NRXN3: variants seen among roughly 807,000 people sequenced by gnomAD.
NRXN3 encodes neurexin 3.
A neutral mutation model predicts 137.6 loss-of-function variants in NRXN3; 32 were observed. The ratio of observed to expected loss-of-function variants is 0.23; its 90% CI spans 0.18 to 0.31. The LOEUF (loss-of-function observed/expected upper bound fraction) is 0.31, where lower values mean the gene tolerates loss of function less well. Among genes scored for constraint, NRXN3 ranks in the 10% least tolerant of loss-of-function variants. The pLI is 1.00. For missense variants in NRXN3, 1,574 were observed against 2,062.5 expected (o/e 0.76, Z 4.59); for synonymous variants, 798 against 784.5 (o/e 1.02, Z -0.29).
chr14:79,436,069 A>C (rs962816274), intron 15 of NRXN3, among the ~76,000 whole-genome samples: 1 of 152,198 alleles, frequency 6.6e-6, no homozygotes, highest in Non-Finnish European at 1.5e-5. Flanking sequence ...CCATGTGTCT[A>C]ATATAACCTA....
intron 15 of NRXN3, among the ~76,000 whole-genome samples, chr14:79,120,215 T>TA (rs965162732): frequency 2.0e-5 from 3 of 151,526 alleles, no homozygotes; most frequent in Non-Finnish European, 2.9e-5. Context: ...TATTTTGCAA[T>TA]AAAAAAAAAT....
chr14:79,088,580 C>T (rs1275089642), intron 15 of NRXN3, among the ~76,000 whole-genome samples: 1 of 152,044 alleles, frequency 6.6e-6, no homozygotes, highest in African/African-American at 2.4e-5. Flanking sequence ...ATGACTTGGG[C>T]TTAAGAAGTC....
chr14:78,279,361 T>C (rs1449555306), intron 3 of NRXN3, among the ~76,000 whole-genome samples: 1 of 152,252 alleles, frequency 6.6e-6, no homozygotes, highest in Non-Finnish European at 1.5e-5. Flanking sequence ...CACACATACA[T>C]AGAATCATGT....
At chr14:78,248,745 G>C (rs921549856) in intron 2 of NRXN3, among the ~76,000 whole-genome samples, 1 of 152,138 alleles carries the variant, frequency 6.6e-6, no homozygotes, top group African/African-American at 2.4e-5. Flanking sequence ...GGGAAGTGGA[G>C]CATAATCAGA....
At chr14:79,750,831 C>T (rs1335909873) in intron 19 of NRXN3, among the ~76,000 whole-genome samples, 3 of 152,054 alleles carry the variant, frequency 2.0e-5, no homozygotes, top group Non-Finnish European at 2.9e-5. Context: ...ATAATTAAAA[C>T]CCCCCAAAAA....
intron 16 of NRXN3, among the ~76,000 whole-genome samples, chr14:79,658,572 C>T (rs1468070811): frequency 4.6e-5 from 7 of 152,092 alleles, no homozygotes; most frequent in African/African-American, 1.7e-4. Context: ...CTTGGCCCAA[C>T]CCATCACAAC....
rs1568111557 is a variant in NRXN3, at chr14:79,049,055, AAAAAAAAAAAAAAAAAAAATAAT to A, written c.3262+60917_3262+60939del. Among the ~76,000 whole-genome samples the A allele has an allele frequency of 2.5e-3, 120 of 48,564 alleles. 2 individuals are homozygous for A. Among genetic ancestry groups the A allele is most frequent in the Non-Finnish European group, 3.2e-3 (74 of 23,462 alleles). The allele number at this position is 48,564 out of a possible 152,430, so 31.9% of individuals were successfully genotyped here. On this transcript the variant is annotated intron_variant, in intron 15 of 20. Transcript: ENST00000335750. ...AAAAAAAAAAAAAAAAAAAAAAAAA[AAAAAAAAAAAAAAAAAAAATAAT>A]AATAATAATAATAATAATATGATGG...
At chr14:78,578,256 A>C (rs1284151113) in intron 4 of NRXN3, among the ~76,000 whole-genome samples, 1 of 152,204 alleles carries the variant, frequency 6.6e-6, no homozygotes, top group Non-Finnish European at 1.5e-5. Context: ...TAGTACATAC[A>C]AAGGTAAGCT....
Position 78,243,384 on chromosome 14 carries a change from C to T in NRXN3, c.291C>T (p.Ala97=), listed in dbSNP as rs138817150. ...TCAGCATGGACTGTGCCGAGACTGC[C>T]GTGCTGTCCAACAAGCAGGTGAATG... is the stretch of plus-strand genomic sequence containing the variant. ...LRFSMDCAET[A]VLSNKQVNDS... Residue 97 remains alanine, a synonymous_variant, in exon 2 of 21, where the codon GCC becomes GCT. Transcript: ENST00000335750. This position sits in a 1 kb window ranked among gnomAD's most constrained non-coding sequence, Gnocchi z 4.2. The T allele has an allele frequency of 9.9e-4, 1,552 of 1,565,370 alleles. 7 individuals carry two copies. Among genetic ancestry groups the T allele is most frequent in the Non-Finnish European group, 1.1e-3 (1,302 of 1,163,138 alleles).
chr14:78,979,554 A>G (rs2099483379), intron 14 of NRXN3, among the ~76,000 whole-genome samples: 1 of 152,254 alleles, frequency 6.6e-6, no homozygotes, highest in East Asian at 1.9e-4. Flanking sequence ...TTAAAATGTG[A>G]AAGTAGAAAG....
At chr14:79,411,434 A>T (rs529382845) in intron 15 of NRXN3, among the ~76,000 whole-genome samples, 1 of 152,168 alleles carries the variant, frequency 6.6e-6, no homozygotes, top group South Asian at 2.1e-4. Flanking sequence ...TTTTGCTTTT[A>T]TATCTCTTAC....
chr14:78,582,305 T>C (rs1378031608), intron 4 of NRXN3, among the ~76,000 whole-genome samples: 2 of 152,250 alleles, frequency 1.3e-5, no homozygotes, highest in East Asian at 3.8e-4. Context: ...TTTCCTCCAT[T>C]ACTGCTTAGG....
chr14:79,377,620 G>A (rs748751507), intron 15 of NRXN3, among the ~76,000 whole-genome samples: 1 of 152,122 alleles, frequency 6.6e-6, no homozygotes, highest in Non-Finnish European at 1.5e-5. Context: ...GTCAAGCATG[G>A]TGTCGTGCAC....
intron 4 of NRXN3, among the ~76,000 whole-genome samples, chr14:78,582,531 A>G (rs2097012549): frequency 6.6e-6 from 1 of 152,198 alleles, no homozygotes; most frequent in Non-Finnish European, 1.5e-5. Context: ...CATTTTCATA[A>G]ATAAATTAAT....
chr14:79,473,943 A>T (rs1401881600), intron 16 of NRXN3, among the ~76,000 whole-genome samples: 1 of 152,140 alleles, frequency 6.6e-6, no homozygotes, highest in Non-Finnish European at 1.5e-5. Context: ...CTGCTTATGT[A>T]ACCTGGACTA....
At chr14:78,901,222 C>T (rs1182659661) in intron 10 of NRXN3, among the ~76,000 whole-genome samples, 1 of 151,322 alleles carries the variant, frequency 6.6e-6, no homozygotes, top group African/African-American at 2.4e-5. Flanking sequence ...ATTTCTTGAA[C>T]CATTTTTTTT....
chr14:79,783,733 A>C (rs1340925713), intron 19 of NRXN3, among the ~76,000 whole-genome samples: 1 of 152,154 alleles, frequency 6.6e-6, no homozygotes, highest in Non-Finnish European at 1.5e-5. Flanking sequence ...ATGTCTTTAG[A>C]ATTTCCGTTG....
At chr14:79,626,642 T>C (rs540808995) in intron 16 of NRXN3, among the ~76,000 whole-genome samples, 11 of 152,298 alleles carry the variant, frequency 7.2e-5, no homozygotes, top group African/African-American at 2.4e-4. Context: ...ATTTTATTGA[T>C]TCATTGCTTA....
intron 15 of NRXN3, among the ~76,000 whole-genome samples, chr14:79,043,351 C>T (rs1031279441): frequency 5.9e-5 from 9 of 152,274 alleles, no homozygotes; most frequent in East Asian, 5.8e-4. Context: ...AACCCTGTAG[C>T]GTGAGCCCAG....
Sources: allele counts gnomAD v4.1 joint callset (sites outside exome capture counted in the v4.1 genomes callset), GRCh38; gene constraint gnomAD v4.1.1; non-coding constraint Gnocchi (gnomAD v3.1); transcripts MANE v1.5; gene names NCBI Gene and HGNC (gene_info 2026-07-23, HGNC 2026-07-21).